GRID2: variants seen among roughly 807,000 people sequenced by gnomAD.
GRID2 encodes glutamate receptor ionotropic, delta-2.
Under a neutral mutation model 114.8 loss-of-function variants are expected in GRID2, and 33 were observed. The observed-to-expected ratio is 0.29, with a 90% CI of 0.22 to 0.38. GRID2 has a LOEUF of 0.38. Among genes scored for constraint, GRID2 ranks in the 10% least tolerant of loss-of-function variants. GRID2 has a pLI of 1.00. For synonymous variants in GRID2, 505 were observed against 449.9 expected (o/e 1.12, Z -1.55); for missense variants, 1,184 against 1,257.7 (o/e 0.94, Z 0.89).
chr4:93,798,004 T>G (rs1038910677), intron 1 of GRID2, among the ~76,000 whole-genome samples: 1 of 151,656 alleles, frequency 6.6e-6, no homozygotes, highest in Non-Finnish European at 1.5e-5. Context: ...AATACAAAAA[T>G]TAGCCAGGCA....
At chr4:93,127,281 A>G (rs533004663) in intron 4 of GRID2, among the ~76,000 whole-genome samples, 22 of 152,292 alleles carry the variant, frequency 1.4e-4, no homozygotes, top group Middle Eastern at 3.4e-3. Context: ...TTAACTCCCT[A>G]AAATAGCATT....
At chr4:92,387,993 T>C (rs1730056835) in intron 1 of GRID2, among the ~76,000 whole-genome samples, 1 of 152,048 alleles carries the variant, frequency 6.6e-6, no homozygotes, top group South Asian at 2.1e-4. Flanking sequence ...AATAATAGAA[T>C]AACAGAAGAC....
chr4:93,408,074 A>G (rs1438870381), intron 9 of GRID2, among the ~76,000 whole-genome samples: 1 of 152,164 alleles, frequency 6.6e-6, no homozygotes, highest in Middle Eastern at 3.2e-3. Context: ...TCAAGAAAAA[A>G]GTATTGAGGC....
intron 10 of GRID2, among the ~76,000 whole-genome samples, chr4:93,428,377 A>T (rs199562360): frequency 6.6e-6 from 1 of 152,144 alleles, no homozygotes; most frequent in African/African-American, 2.4e-5. Flanking sequence ...TTATTTTTTT[A>T]AAAGGCTCTA....
At chr4:92,896,526 A>G (rs1747175738) in intron 2 of GRID2, among the ~76,000 whole-genome samples, 1 of 151,166 alleles carries the variant, frequency 6.6e-6, no homozygotes, top group East Asian at 1.9e-4. Context: ...TGAGATCTTC[A>G]GTTGTTTAAA....
intron 2 of GRID2, among the ~76,000 whole-genome samples, chr4:92,832,031 A>T (rs1272869605): frequency 6.6e-6 from 1 of 152,204 alleles, no homozygotes; most frequent in Non-Finnish European, 1.5e-5. Flanking sequence ...AATAACTAGT[A>T]ATATTGGCCA....
At chr4:93,604,353 C>T (rs994842047) in intron 13 of GRID2, among the ~76,000 whole-genome samples, 2 of 152,122 alleles carry the variant, frequency 1.3e-5, no homozygotes, top group Admixed American at 1.3e-4. Context: ...AGACATGGAG[C>T]CTGACAACGT....
At chr4:92,361,287 A>G (rs1387264264) in intron 1 of GRID2, among the ~76,000 whole-genome samples, 1 of 152,074 alleles carries the variant, frequency 6.6e-6, no homozygotes, top group African/African-American at 2.4e-5. Flanking sequence ...TGTTCCTACT[A>G]AACTCTAAAT....
At chr4:92,627,151 C>T (rs960986280) in intron 2 of GRID2, among the ~76,000 whole-genome samples, 2 of 151,954 alleles carry the variant, frequency 1.3e-5, no homozygotes, top group Non-Finnish European at 2.9e-5. Flanking sequence ...GGTTATAAGA[C>T]ATGAGAGATT....
chr4:93,076,432 A>T (rs1239741329), intron 2 of GRID2, among the ~76,000 whole-genome samples: 2 of 152,070 alleles, frequency 1.3e-5, no homozygotes, highest in Non-Finnish European at 2.9e-5. Flanking sequence ...TTTATTTTAA[A>T]TTGGTTTTAG....
At chr4:92,791,603 CATGACAGTAATATGAATGAAAATATA>C (rs1212588794) in intron 2 of GRID2, among the ~76,000 whole-genome samples, 2 of 151,726 alleles carry the variant, frequency 1.3e-5, no homozygotes, top group Admixed American at 6.6e-5. Flanking sequence ...TTCAAAAAAG[CATGACAGTAATATGAATGAAAATATA>C]ATAAGGAAAG....
chr4:92,738,832 A>T (rs1418116600), intron 2 of GRID2, among the ~76,000 whole-genome samples: 1 of 152,044 alleles, frequency 6.6e-6, no homozygotes. Context: ...TTAAAAATTA[A>T]TTTTTAATAT....
intron 1 of GRID2, among the ~76,000 whole-genome samples, chr4:92,557,848 A>C (rs1010628937): frequency 4.7e-4 from 71 of 152,114 alleles, no homozygotes; most frequent in African/African-American, 1.7e-3. Context: ...AAGTAAATCC[A>C]CTTTAAGTAC....
intron 8 of GRID2, among the ~76,000 whole-genome samples, chr4:93,328,543 G>T (rs1179766616): frequency 1.3e-5 from 2 of 152,034 alleles, no homozygotes; most frequent in African/African-American, 2.4e-5. Flanking sequence ...AGTCCTTTAT[G>T]ACATTTATCA....
intron 14 of GRID2, among the ~76,000 whole-genome samples, chr4:93,727,718 A>G (rs1730068268): frequency 6.6e-6 from 1 of 152,010 alleles, no homozygotes; most frequent in Non-Finnish European, 1.5e-5. Context: ...GTCTTGGGAG[A>G]GTGTATGTGT....
intron 13 of GRID2, among the ~76,000 whole-genome samples, chr4:93,524,356 G>A (rs1262517468): frequency 6.6e-6 from 1 of 152,006 alleles, no homozygotes; most frequent in East Asian, 1.9e-4. Flanking sequence ...GATACCACTG[G>A]CATATTTTCT....
chr4:93,401,789 G>A (rs1462596248), intron 9 of GRID2, among the ~76,000 whole-genome samples: 3 of 152,090 alleles, frequency 2.0e-5, no homozygotes, highest in Non-Finnish European at 4.4e-5. Context: ...TTGAGAGAAT[G>A]GTAGGTTTTT....
At chr4:92,719,079 G>A (rs991228085) in intron 2 of GRID2, among the ~76,000 whole-genome samples, 4 of 151,628 alleles carry the variant, frequency 2.6e-5, no homozygotes, top group Non-Finnish European at 5.9e-5. Context: ...CTCTGCCTTC[G>A]GGGTTCAAAC....
At chr4:92,553,415 G>C (rs6815704) in intron 1 of GRID2, among the ~76,000 whole-genome samples, 1 of 151,860 alleles carries the variant, frequency 6.6e-6, no homozygotes. Context: ...GTTGATTTGG[G>C]TAAGTCTCTA....
Sources: allele counts gnomAD v4.1 joint callset (sites outside exome capture counted in the v4.1 genomes callset), GRCh38; gene constraint gnomAD v4.1.1; transcripts MANE v1.5; gene names NCBI Gene and HGNC (gene_info 2026-07-23, HGNC 2026-07-21).